CLNK: variants seen among roughly 807,000 people sequenced by gnomAD.
CLNK encodes cytokine dependent hematopoietic cell linker, also known as cytokine-dependent hematopoietic cell linker.
CLNK carries 74 observed loss-of-function variants against 68.6 expected under a neutral mutation model. The ratio of observed to expected loss-of-function variants is 1.08; its 90% confidence interval spans 0.89 to 1.31. CLNK has a LOEUF of 1.31. Among genes scored for constraint, CLNK ranks in the 50% most tolerant of loss-of-function variants. CLNK has a pLI of 0.00. For synonymous variants in CLNK, 198 were observed against 172.2 expected, an observed-to-expected ratio of 1.15 and a Z score of -1.17; for missense variants, 553 against 515.3, an observed-to-expected ratio of 1.07 and a Z score of -0.71.
At chr4:10,598,271 C>A (rs575919985) in intron 2 of CLNK, among the ~76,000 whole-genome samples, 2 of 152,258 alleles carry the variant, frequency 1.3e-5, no homozygotes, top group African/African-American at 4.8e-5. Context: ...CTTTATTTTA[C>A]AGGAAACAGT....
intron 10 of CLNK, among the ~76,000 whole-genome samples, chr4:10,541,479 A>C (rs1281114006): frequency 6.6e-6 from 1 of 152,122 alleles, no homozygotes; most frequent in African/African-American, 2.4e-5. Context: ...CACAGGTCCC[A>C]GATAGAGCAA....
chr4:10,566,183 G>C (rs1353126981), intron 5 of CLNK, 33 bp from the exon 6 acceptor site: 7 of 1,610,536 alleles, frequency 4.3e-6, no homozygotes, highest in Non-Finnish European at 5.9e-6. Context: ...GTGAGTCAAA[G>C]GAAGGTACAA....
rs149452767 is a variant in CLNK at position 10,629,160 on chromosome 4, G to C, written c.12-31111C>G. 3.6e-3 allele frequency among the ~76,000 whole-genome samples: 545 copies of C among 152,268 alleles called. 3 individuals carry two copies. Among genetic ancestry groups the C allele is most frequent in the African/African-American group, 9.2e-3 (384 of 41,536 alleles). ...ACTTCTGCGCCTCATTGAGGGGTTG[G>C]GTCTTCATTCTGAGGGCTCCCGTGT... On this transcript the variant is annotated intron_variant, in intron 2 of 18. Coordinates refer to ENST00000226951, the MANE Select transcript of CLNK (RefSeq NM_052964.4).
At chr4:10,714,201 A>T in the CLNK span, among the ~76,000 whole-genome samples, 1 of 152,206 alleles carries the variant, frequency 6.6e-6, no homozygotes, top group Non-Finnish European at 1.5e-5. Flanking sequence ...ACTCAAAATC[A>T]GGTTTGTGAT....
intron 15 of CLNK, among the ~76,000 whole-genome samples, chr4:10,519,889 T>C (rs1224522688): frequency 6.6e-6 from 1 of 152,172 alleles, no homozygotes; most frequent in Admixed American, 6.5e-5. Context: ...ACTACTTGAA[T>C]TTTATGAAAA....
intron 2 of CLNK, among the ~76,000 whole-genome samples, chr4:10,659,420 G>A (rs1257919653): frequency 2.6e-5 from 4 of 152,194 alleles, no homozygotes; most frequent in Non-Finnish European, 5.9e-5. Flanking sequence ...ATGAGACTCA[G>A]GGAGGCTAAG....
chr4:10,594,546 G>A (rs1255987820), intron 3 of CLNK, among the ~76,000 whole-genome samples: 2 of 152,350 alleles, frequency 1.3e-5, no homozygotes, highest in African/African-American at 4.8e-5. Context: ...TAAGTTCTCA[G>A]ATGATGCTGA....
intron 18 of CLNK, among the ~76,000 whole-genome samples, chr4:10,499,466 A>G (rs1389673406): frequency 3.3e-5 from 5 of 152,152 alleles, no homozygotes; most frequent in Admixed American, 6.5e-5. Flanking sequence ...TTCCTCTCCG[A>G]GTCTCAAAAA....
chr4:10,500,621 A>G (rs1462153972), intron 18 of CLNK, among the ~76,000 whole-genome samples: 16 of 151,430 alleles, frequency 1.1e-4, no homozygotes, highest in African/African-American at 3.4e-4. Flanking sequence ...AGGAGGTTGC[A>G]GTGAGCCGAG....
At chr4:10,713,209 A>T in the CLNK span, among the ~76,000 whole-genome samples, 12 of 152,326 alleles carry the variant, frequency 7.9e-5, no homozygotes, top group African/African-American at 2.9e-4. Flanking sequence ...CTGGAATCTG[A>T]ATCATCCCTG....
the CLNK span, among the ~76,000 whole-genome samples, chr4:10,714,115 T>A: frequency 5.3e-5 from 8 of 152,166 alleles, no homozygotes; most frequent in East Asian, 1.5e-3. Flanking sequence ...GAGAAAGAGC[T>A]GCAGCCAACC....
chr4:10,689,960 T>G, the CLNK span, among the ~76,000 whole-genome samples: 1 of 151,962 alleles, frequency 6.6e-6, no homozygotes, highest in Non-Finnish European at 1.5e-5. Flanking sequence ...TCCCCACAAT[T>G]AGCTGTGATT....
the CLNK span, among the ~76,000 whole-genome samples, chr4:10,692,926 T>C: frequency 6.6e-6 from 1 of 152,364 alleles, no homozygotes; most frequent in South Asian, 2.1e-4. Context: ...AACTGGTCCA[T>C]ACTAAGTCTT....
upstream of CLNK, among the ~76,000 whole-genome samples, chr4:10,689,436 T>A (rs947715262): frequency 6.6e-6 from 1 of 152,174 alleles, no homozygotes; most frequent in Non-Finnish European, 1.5e-5. Context: ...CACCCTGTCC[T>A]TTTTTGAAAT....
intron 12 of CLNK, among the ~76,000 whole-genome samples, chr4:10,530,893 G>T (rs946715178): frequency 6.6e-6 from 1 of 152,180 alleles, no homozygotes; most frequent in African/African-American, 2.4e-5. Context: ...AAGAGCATGA[G>T]CCTGGTGAAG....
chr4:10,539,433 A>G (rs774919829), intron 11 of CLNK, among the ~76,000 whole-genome samples: 1 of 152,222 alleles, frequency 6.6e-6, no homozygotes, highest in Non-Finnish European at 1.5e-5. Flanking sequence ...TATCCATGAG[A>G]AATGCTTTCT....
At chr4:10,625,296 G>C (rs2108864337) in intron 2 of CLNK, among the ~76,000 whole-genome samples, 1 of 152,336 alleles carries the variant, frequency 6.6e-6, no homozygotes, top group South Asian at 2.1e-4. Flanking sequence ...AGAGGGAGGT[G>C]TTTGGCGTAC....
chr4:10,508,904 C>A (rs557434784), intron 16 of CLNK, among the ~76,000 whole-genome samples: 1 of 152,002 alleles, frequency 6.6e-6, no homozygotes, highest in Non-Finnish European at 1.5e-5. Context: ...GTCAGGAGAT[C>A]GAGACCATCC....
intron 11 of CLNK, among the ~76,000 whole-genome samples, chr4:10,539,733 T>C (rs963606526): frequency 6.6e-6 from 1 of 152,224 alleles, no homozygotes; most frequent in African/African-American, 2.4e-5. Flanking sequence ...AATATTTATT[T>C]TTCATAAAGG....
Sources: gnomAD v4.1 joint callset for allele counts (sites outside exome capture counted in the v4.1 genomes callset) on GRCh38, gnomAD v4.1.1 for gene constraint, MANE v1.5 for transcripts, NCBI Gene and HGNC (gene_info 2026-07-23, HGNC 2026-07-21) for gene names.